The following FAM120C variants were observed in gnomAD, a reference collection of about 807,000 sequenced individuals.
FAM120C encodes the protein family with sequence similarity 120 member C.
In FAM120C, 14 loss-of-function variants were observed where a neutral mutation model predicts 71.2. The ratio of observed to expected loss-of-function variants is 0.20; its 90% CI spans 0.13 to 0.31. The LOEUF (loss-of-function observed/expected upper bound fraction) is 0.31. Among genes scored for constraint, FAM120C ranks in the 10% least tolerant of loss-of-function variants. The pLI is 1.00. For synonymous variants in FAM120C, 354 were observed against 353.2 expected, an observed-to-expected ratio of 1.00 and a Z score of -0.03; for missense variants, 500 against 879.0, an observed-to-expected ratio of 0.57 and a Z score of 5.45.
rs2066710727 is a variant in FAM120C, at chrX:54,071,947, TG to T, written c.*1085del. On this transcript the variant is annotated 3_prime_UTR_variant, in exon 16 of 16. Transcript: ENST00000375180. ...TGGGACATCACCATGTATGTATGTA[TG>T]TATGTATGTATGTATGTATGTGTGT... 1 of 103,125 alleles carries T rather than the reference TG, an allele frequency of 9.7e-6. No homozygotes were observed. Among genetic ancestry groups the T allele is most frequent in the East Asian group, 3.1e-4 (1 of 3,269 alleles). 8.5% of individuals were successfully genotyped at this position (103,125 alleles called of 1,213,427 possible). A position where few individuals can be genotyped will look rare whatever the true frequency, so the allele number is the denominator to read the frequency against.
intron 10 of FAM120C, among the ~76,000 whole-genome samples, chrX:54,114,098 A>G (rs1349339987): frequency 9.0e-6 from 1 of 111,495 alleles, no homozygotes; most frequent in East Asian, 2.8e-4. Flanking sequence ...GCCATAAAAA[A>G]GAATGAAATC....
At chrX:54,102,120 C>T (rs1490035301) in intron 10 of FAM120C, among the ~76,000 whole-genome samples, 1 of 109,752 alleles carries the variant, frequency 9.1e-6, no homozygotes, top group East Asian at 2.9e-4. Flanking sequence ...CTGCAGCCTC[C>T]ACCTCCTACG....
intron 9 of FAM120C, among the ~76,000 whole-genome samples, chrX:54,118,099 T>C (rs1348748010): frequency 9.1e-6 from 1 of 109,514 alleles, no homozygotes; most frequent in Non-Finnish European, 1.9e-5. Flanking sequence ...GGTGCATGCC[T>C]GTAATCCCAG....
At chrX:54,087,665 C>G in intron 12 of FAM120C, 90 bp downstream of exon 12, 1 of 892,071 alleles carries the variant, frequency 1.1e-6, no homozygotes, top group Non-Finnish European at 1.6e-6. Context: ...CGCCCCATCC[C>G]TCTCCACTAT....
rs1286624927 is a variant in FAM120C at position 54,112,531 on chromosome X, C to T, written c.2312+4014G>A. On this transcript the variant is annotated intron_variant, in intron 10 of 15. Coordinates refer to ENST00000375180, the MANE Select transcript of FAM120C (RefSeq NM_017848.6). The stretch of plus-strand genomic sequence containing the variant: ...GACCAGCCTGACCAACATGGAGAAA[C>T]CCCGTCTCTACTGAAAATACAAAAT... Among the ~76,000 whole-genome samples, 8 of 109,518 alleles carry T rather than the reference C, an allele frequency of 7.3e-5. No homozygotes were observed. In the Admixed American group the frequency reaches 7.8e-4, roughly 11 times the overall value.
chrX:54,181,416 A>G (rs2067349284), intron 1 of FAM120C, among the ~76,000 whole-genome samples: 1 of 111,099 alleles, frequency 9.0e-6, no homozygotes, highest in African/African-American at 3.3e-5. Flanking sequence ...TATTCTCTAC[A>G]CGTAGGAACT....
intron 1 of FAM120C, among the ~76,000 whole-genome samples, chrX:54,169,361 G>A (rs1341490826): frequency 9.0e-6 from 1 of 111,135 alleles, no homozygotes; most frequent in African/African-American, 3.3e-5. Flanking sequence ...TGGAAAAGTG[G>A]GCATAATCTG....
intron 10 of FAM120C, among the ~76,000 whole-genome samples, chrX:54,110,543 G>T (rs2066931291): frequency 9.1e-6 from 1 of 109,658 alleles, no homozygotes; most frequent in African/African-American, 3.4e-5. Context: ...GAATCTAGGT[G>T]GTGGTTATGA....
rs376440533 is a variant in FAM120C at position 54,149,352 on chromosome X, A to C, written c.1158+1893T>G. ...AGAAGCCGTTCTCAAAATATCACAT[A>C]CTGGGCCGGACGCGGTAGCTCACGC... On this transcript the variant is annotated intron_variant, in intron 4 of 15. Transcript: ENST00000375180. Among the ~76,000 whole-genome samples, 26 of 111,755 alleles carry C rather than the reference A, an allele frequency of 2.3e-4. No individual in the cohort carries two copies. In the South Asian group the frequency reaches 5.6e-3, roughly 24 times the overall value.
chrX:54,114,071 C>CAG (rs1346344961), intron 10 of FAM120C, among the ~76,000 whole-genome samples: 1 of 106,860 alleles, frequency 9.4e-6, no homozygotes, highest in Non-Finnish European at 1.9e-5. Context: ...CACACACACA[C>CAG]ACTGGAGTAC....
rs943581576 is a variant in FAM120C, at chrX:54,135,056, G to T, written c.1391C>A (p.Pro464His). The T allele has an allele frequency of 8.3e-7, 1 of 1,207,397 alleles. No individual in the cohort carries two copies. Among genetic ancestry groups the T allele is most frequent in the Non-Finnish European group, 1.1e-6 (1 of 892,923 alleles). The change falls in exon 7 of 16, where the codon CCC becomes CAC. Residue 464 changes from proline (P) to histidine (H), a missense_variant. By Grantham distance (77) the Pro-to-His change is moderately conservative. This residue lies in a region of FAM120C where 85 missense variants were observed against 84.9 expected (regional missense o/e 1.00). Coordinates refer to ENST00000375180, the MANE Select transcript of FAM120C (RefSeq NM_017848.6). The part of the protein sequence containing the change: ...VKYPPPFPVG[P>H]NSSLLFSSHA... Reference sequence around the variant, plus strand: ...GGAGGAGAAGAGAAGAGATGAGTTGGGTCCCACTGGGAATGGTGGTGGATA... The same window carrying T: ...GGAGGAGAAGAGAAGAGATGAGTTGTGTCCCACTGGGAATGGTGGTGGATA...
At position 54,073,137 on chromosome X, in the gene FAM120C, T is replaced by C. The variant is rs1557120234; in HGVS notation, c.3187A>G (p.Asn1063Asp). 1 of 1,211,453 alleles carries C rather than the reference T, an allele frequency of 8.3e-7. No homozygotes were observed. The highest frequency in any genetic ancestry group is 1.1e-6 in the Non-Finnish European group (1 of 895,424). The change falls in exon 16 of 16, where the codon AAT (asparagine) becomes GAT (aspartate). Residue 1063 changes from asparagine to aspartate, a missense_variant. By Grantham distance (23) the Asn-to-Asp change is conservative (BLOSUM62 1). This residue lies in a region of FAM120C where 85 missense variants were observed against 96.1 expected (regional missense o/e 0.88). Coordinates refer to ENST00000375180, the MANE Select transcript of FAM120C (RefSeq NM_017848.6). ...PSQCALSRDS[N>D]ECNNGNRYLP... ...TAGCGGTTACCATTATTACACTCATTGCTGTCTCTGGATAAGGCACATTGT... is the reference window on the plus strand; with the variant it reads ...TAGCGGTTACCATTATTACACTCATCGCTGTCTCTGGATAAGGCACATTGT...
chrX:54,070,726 G>A lies in FAM120C; in HGVS notation c.*2307C>T, dbSNP rs1454007881. ...TCCAAGAGAAGGGGGACCACATTAA[G>A]GGAGCTGATTCCAAAGAGGAGGTTT... On this transcript the variant is annotated 3_prime_UTR_variant, in exon 16 of 16. Transcript: ENST00000375180. The A allele has an allele frequency of 8.9e-6, 1 of 111,815 alleles. No individual in the cohort carries two copies. Among genetic ancestry groups the A allele is most frequent in the Non-Finnish European group, 1.9e-5 (1 of 53,193 alleles). 9.2% of individuals were successfully genotyped at this position (111,815 alleles called of 1,213,427 possible).
chrX:54,153,888 A>G (rs1557133334), intron 3 of FAM120C, among the ~76,000 whole-genome samples: 1 of 108,524 alleles, frequency 9.2e-6, no homozygotes, highest in African/African-American at 3.4e-5. Flanking sequence ...TTTAGTAGAG[A>G]TGGGGTTTCA....
intron 1 of FAM120C, among the ~76,000 whole-genome samples, chrX:54,170,721 A>C (rs1235590155): frequency 9.0e-6 from 1 of 111,716 alleles, no homozygotes; most frequent in East Asian, 2.8e-4. Context: ...CAATTCTAAG[A>C]CTTACAATTT....
At position 54,129,098 on chromosome X, in the gene FAM120C, G is replaced by T. The variant is rs1244278490; in HGVS notation, c.2062+3594C>A. 2.9e-5 allele frequency among the ~76,000 whole-genome samples: 3 copies of T among 104,735 alleles called. No individual in the cohort carries two copies. In the East Asian group the frequency reaches 9.7e-4, roughly 34 times the overall value. The allele number at this position is 104,735 out of a possible 115,157, so 90.9% of individuals were successfully genotyped here. A position where few individuals can be genotyped will look rare whatever the true frequency, so the allele number is the denominator to read the frequency against. ...CGGACGGGGCGGCCGGCCGGGCAGG[G>T]GGCTGACCCCCCACCTCCCTCCCGG... On this transcript the variant is annotated intron_variant, in intron 9 of 15. Transcript: ENST00000375180.
chrX:54,156,507 G>A lies in FAM120C; in HGVS notation c.1029+1182C>T, dbSNP rs1425029532. Among the ~76,000 whole-genome samples, 26 of 107,375 alleles carry A rather than the reference G, an allele frequency of 2.4e-4. 1 individual carries two copies. In the Admixed American group the frequency reaches 2.6e-3, roughly 11 times the overall value. 93.2% of individuals were successfully genotyped at this position (107,375 alleles called of 115,157 possible). A position where few individuals can be genotyped will look rare whatever the true frequency, so the allele number is the denominator to read the frequency against. On this transcript the variant is annotated intron_variant, in intron 3 of 15. Coordinates refer to ENST00000375180, the MANE Select transcript of FAM120C (RefSeq NM_017848.6). The stretch of plus-strand genomic sequence containing the variant: ...CTGGCTAATTTTTGATTACAGGCAT[G>A]AGCCACCGTGCCCTGGCTGCAACAG...
intron 13 of FAM120C, among the ~76,000 whole-genome samples, chrX:54,083,433 C>CCACACACACACA (rs781964795): frequency 0.018 from 1,383 of 78,898 alleles, 24 homozygotes; most frequent in African/African-American, 0.033. Flanking sequence ...GACCCCATCT[C>CCACACACACACA]CACACACACA....
At chrX:54,128,966 C>A (rs1569532606) in intron 9 of FAM120C, among the ~76,000 whole-genome samples, 1 of 110,493 alleles carries the variant, frequency 9.1e-6, no homozygotes, top group Non-Finnish European at 1.9e-5. Flanking sequence ...CATCATGGCC[C>A]GTTCTCAATG....
Sources: allele counts gnomAD v4.1 joint callset (sites outside exome capture counted in the v4.1 genomes callset), GRCh38; gene constraint gnomAD v4.1.1; regional missense constraint gnomAD v4.1.1; transcripts MANE v1.5; gene names NCBI Gene and HGNC (gene_info 2026-07-23, HGNC 2026-07-21).